The following ERBB4 variants were observed in gnomAD, a reference collection of about 807,000 sequenced individuals.
ERBB4 encodes erb-b2 receptor tyrosine kinase 4, also known as receptor tyrosine-protein kinase erbB-4.
In ERBB4, 42 loss-of-function variants were observed where a neutral mutation model predicts 158.0. The observed-to-expected ratio is 0.27, with a 90% CI of 0.21 to 0.34. ERBB4 has a LOEUF of 0.34. ERBB4 is among the 10% of genes least tolerant of loss of function. The pLI is 1.00. For missense variants in ERBB4, 1,333 were observed against 1,624.1 expected (o/e 0.82, Z 3.08); for synonymous variants, 583 against 558.7 (o/e 1.04, Z -0.61).
chr2:211,687,844 T>C (rs1362863677), intron 12 of ERBB4, among the ~76,000 whole-genome samples: 3 of 152,204 alleles, frequency 2.0e-5, no homozygotes, highest in Non-Finnish European at 4.4e-5. Flanking sequence ...CAGAGTTGTC[T>C]TATAATGTCC....
intron 4 of ERBB4, among the ~76,000 whole-genome samples, chr2:211,754,386 C>T (rs929527986): frequency 2.3e-4 from 34 of 149,680 alleles, no homozygotes; most frequent in African/African-American, 7.9e-4. Context: ...TGATTCTTCC[C>T]ATTGATTATT....
At chr2:211,545,411 A>C (rs560682745) in intron 20 of ERBB4, among the ~76,000 whole-genome samples, 1 of 152,162 alleles carries the variant, frequency 6.6e-6, no homozygotes, top group South Asian at 2.1e-4. Flanking sequence ...CAAGACTATT[A>C]TTTTATTTAG....
chr2:211,978,399 TA>T lies in ERBB4; in HGVS notation c.235-30784del, dbSNP rs2081688707. On this transcript the variant is annotated intron_variant, in intron 2 of 27. Transcript: ENST00000342788. ...CTGTCTGTCTGTCTGTCTGTCTGTCTATCTATCTATCTATCTATCTATCTAT... is the reference window on the plus strand; with the variant it reads ...CTGTCTGTCTGTCTGTCTGTCTGTCTTCTATCTATCTATCTATCTATCTAT... Among the ~76,000 whole-genome samples the T allele has an allele frequency of 8.7e-5, 12 of 138,528 alleles. 1 individual carries two copies. In the South Asian group the frequency reaches 8.9e-4, roughly 10 times the overall value. The allele number at this position is 138,528 out of a possible 152,430, so 90.9% of individuals were successfully genotyped here. A position where few individuals can be genotyped will look rare whatever the true frequency, so the allele number is the denominator to read the frequency against.
chr2:212,499,171 G>A (rs1690745916), intron 1 of ERBB4, among the ~76,000 whole-genome samples: 1 of 152,010 alleles, frequency 6.6e-6, no homozygotes, highest in Admixed American at 6.6e-5. Flanking sequence ...CGCATTAAAT[G>A]CTACAGTAGG....
chr2:212,408,951 A>G (rs1276320674), intron 1 of ERBB4, among the ~76,000 whole-genome samples: 2 of 152,180 alleles, frequency 1.3e-5, no homozygotes, highest in Admixed American at 6.6e-5. Context: ...CATATCAGCT[A>G]TATCACCTGG....
chr2:212,376,023 C>T (rs2090307626), intron 1 of ERBB4, among the ~76,000 whole-genome samples: 1 of 151,632 alleles, frequency 6.6e-6, no homozygotes, highest in African/African-American at 2.4e-5. Context: ...TAAAATTCCT[C>T]TTGTTCATGC....
intron 19 of ERBB4, among the ~76,000 whole-genome samples, chr2:211,590,330 T>C (rs2068423107): frequency 6.6e-6 from 1 of 152,180 alleles, no homozygotes; most frequent in South Asian, 2.1e-4. Flanking sequence ...CCTTCTTGCC[T>C]GGGGACTAGA....
At chr2:212,015,571 T>G (rs544834211) in intron 2 of ERBB4, among the ~76,000 whole-genome samples, 61 of 152,324 alleles carry the variant, frequency 4.0e-4, no homozygotes, top group African/African-American at 1.4e-3. Flanking sequence ...AGTCCCTCTG[T>G]CAATCATTTG....
At chr2:212,404,211 T>G (rs1197535747) in intron 1 of ERBB4, among the ~76,000 whole-genome samples, 1 of 152,066 alleles carries the variant, frequency 6.6e-6, no homozygotes, top group East Asian at 1.9e-4. Context: ...ATAGTAAATC[T>G]TGCCACAAGT....
chr2:211,780,225 G>A (rs532851237), intron 4 of ERBB4, among the ~76,000 whole-genome samples: 2 of 152,144 alleles, frequency 1.3e-5, no homozygotes, highest in Admixed American at 6.5e-5. Context: ...TTATCTGGGT[G>A]TAGTGGCATG....
At chr2:211,749,764 A>G (rs976816401) in intron 5 of ERBB4, among the ~76,000 whole-genome samples, 2 of 152,132 alleles carry the variant, frequency 1.3e-5, no homozygotes, top group Non-Finnish European at 2.9e-5. Context: ...TTCATCTAAG[A>G]GTGTAATATT....
At chr2:211,746,196 G>T (rs528312517) in intron 5 of ERBB4, among the ~76,000 whole-genome samples, 2 of 152,060 alleles carry the variant, frequency 1.3e-5, no homozygotes, top group South Asian at 4.2e-4. Context: ...AGACAGGATT[G>T]CTTGAAGCCA....
At chr2:212,234,136 C>T (rs866406772) in intron 1 of ERBB4, among the ~76,000 whole-genome samples, 1 of 152,092 alleles carries the variant, frequency 6.6e-6, no homozygotes, top group African/African-American at 2.4e-5. Flanking sequence ...TCCCCTAGCC[C>T]CTCAACCTCT....
chr2:212,517,362 TA>T (rs1691906794), intron 1 of ERBB4, among the ~76,000 whole-genome samples: 1 of 152,082 alleles, frequency 6.6e-6, no homozygotes, highest in African/African-American at 2.4e-5. Flanking sequence ...ATTCAATCAG[TA>T]AAACCTTTTC....
intron 20 of ERBB4, among the ~76,000 whole-genome samples, chr2:211,477,869 A>G (rs955912457): frequency 1.3e-5 from 2 of 152,176 alleles, no homozygotes; most frequent in African/African-American, 4.8e-5. Flanking sequence ...AGAATATGAT[A>G]CAATGACAAC....
chr2:212,213,503 G>C lies in ERBB4; in HGVS notation c.83-88600C>G, dbSNP rs1306184766. ...ATGTAGATCTTATGCATTTATGGGG[G>C]CAGCTAAAAGATATTGGAAGGAATG... is the stretch of plus-strand genomic sequence containing the variant. On this transcript the variant is annotated intron_variant, in intron 1 of 27. Coordinates refer to ENST00000342788, the MANE Select transcript of ERBB4 (RefSeq NM_005235.3). 2.0e-5 allele frequency among the ~76,000 whole-genome samples: 3 copies of C among 151,706 alleles called. No homozygotes were observed. In the East Asian group the frequency reaches 5.8e-4, roughly 29 times the overall value.
intron 3 of ERBB4, among the ~76,000 whole-genome samples, chr2:211,879,941 T>A (rs895642346): frequency 4.5e-4 from 68 of 151,180 alleles, no homozygotes; most frequent in Non-Finnish European, 6.1e-4. Context: ...TCCAGAAGTA[T>A]GAAAGTTATA....
chr2:211,422,777 A>T (rs947135126), intron 23 of ERBB4, among the ~76,000 whole-genome samples: 2 of 151,950 alleles, frequency 1.3e-5, no homozygotes, highest in African/African-American at 4.8e-5. Context: ...ATTCTCCATT[A>T]GGGAAAGTGT....
intron 2 of ERBB4, among the ~76,000 whole-genome samples, chr2:211,960,282 A>T (rs1345912059): frequency 6.6e-6 from 1 of 152,092 alleles, no homozygotes; most frequent in African/African-American, 2.4e-5. Flanking sequence ...TCAAGAACCA[A>T]TTGGAAGAGA....
Sources: gnomAD v4.1 joint callset for allele counts (sites outside exome capture counted in the v4.1 genomes callset) on GRCh38, gnomAD v4.1.1 for gene constraint, MANE v1.5 for transcripts, NCBI Gene and HGNC (gene_info 2026-07-23, HGNC 2026-07-21) for gene names.